The following PDIA6 variants were observed in gnomAD, a reference collection of about 807,000 sequenced individuals.
PDIA6 encodes protein disulfide-isomerase A6.
PDIA6 carries 29 observed loss-of-function variants against 58.4 expected under a neutral mutation model. The observed-to-expected ratio is 0.50, with a 90% CI of 0.37 to 0.68. The LOEUF (loss-of-function observed/expected upper bound fraction) is 0.68. Ranked by LOEUF, PDIA6 falls within the 30% of genes least tolerant of loss-of-function variation. The pLI, the probability that PDIA6 is intolerant of heterozygous loss-of-function variation, is 0.00. For missense variants in PDIA6, 480 were observed against 551.0 expected, an observed-to-expected ratio of 0.87 and a Z score of 1.29; for synonymous variants, 192 against 202.6, an observed-to-expected ratio of 0.95 and a Z score of 0.44.
At chr2:10,793,338 C>G in intron 4 of PDIA6, 136 bp from the exon 5 acceptor site, 1 of 615,924 alleles carries the variant, frequency 1.6e-6, no homozygotes. Context: ...GTATCTCTGA[C>G]AGAACACACT....
At chr2:10,835,528 A>G (rs1416428080), upstream of PDIA6, among the ~76,000 whole-genome samples, 1 of 152,208 alleles carries the variant, frequency 6.6e-6, no homozygotes, top group Non-Finnish European at 1.5e-5. Context: ...GCCTGAAGGC[A>G]GGTGGGGCCC....
chr2:10,790,013 CTG>C (rs1665961054), intron 7 of PDIA6, 124 bp from the exon 8 acceptor site: 1 of 756,550 alleles, frequency 1.3e-6, no homozygotes, highest in Non-Finnish European at 2.1e-6. Context: ...CAGTCTCACT[CTG>C]TTGCCCAGGC....
At chr2:10,830,040 T>G (rs940737571) in intron 1 of PDIA6, among the ~76,000 whole-genome samples, 5 of 152,196 alleles carry the variant, frequency 3.3e-5, no homozygotes, top group Non-Finnish European at 7.3e-5. Flanking sequence ...CCCCACTACC[T>G]TGGCTGACAC....
chr2:10,787,323 A>T lies in PDIA6; in HGVS notation c.1115T>A (p.Leu372Gln), dbSNP rs1171879549. The change falls in exon 11 of 13, where the codon CTA becomes CAA. Residue 372 changes from leucine to glutamine, a missense_variant. Leu to Gln is a moderately radical substitution (Grantham distance 113). Transcript: ENST00000272227. ...INARKMKFALLKGSFSEQGIN... is the reference protein window; with the variant it reads ...INARKMKFALQKGSFSEQGIN... The stretch of plus-strand genomic sequence containing the variant: ...GCCTTGCTCACTGAAGGAGCCTTTT[A>T]GCAGAGCAAATTTCATCTTGCGTGC... The T allele has an allele frequency of 1.2e-6, 2 of 1,614,232 alleles. No homozygotes were observed. The highest frequency in any genetic ancestry group is 2.2e-5 in the South Asian group (2 of 91,082).
chr2:10,808,869 A>T (rs564163232), intron 1 of PDIA6, among the ~76,000 whole-genome samples: 1 of 152,292 alleles, frequency 6.6e-6, no homozygotes, highest in East Asian at 1.9e-4. Flanking sequence ...TCAGCTGCCC[A>T]GGCTGGAGTG....
chr2:10,836,768 C>G (rs1667840155), upstream of PDIA6, among the ~76,000 whole-genome samples: 1 of 151,960 alleles, frequency 6.6e-6, no homozygotes, highest in Admixed American at 6.6e-5. Context: ...TGTGTCTTTT[C>G]ATTGCCGCTT....
chr2:10,788,782 G>A lies in PDIA6; in HGVS notation c.926-13C>T. ...CTGCCTGCAGCTCCTGATTTAAATAGACAAAGTTTTTTAAAGGTAAAGATA... is the reference window on the plus strand; with the variant it reads ...CTGCCTGCAGCTCCTGATTTAAATAAACAAAGTTTTTTAAAGGTAAAGATA... On this transcript the variant is annotated splice_polypyrimidine_tract_variant and intron_variant, in intron 9 of 12. Transcript: ENST00000272227. 1.2e-6 allele frequency: 2 copies of A among 1,603,150 alleles called. No homozygotes were observed. Among genetic ancestry groups the A allele is most frequent in the African/African-American group, 2.7e-5 (2 of 74,802 alleles).
At chr2:10,824,931 G>C (rs1201653472) in intron 1 of PDIA6, among the ~76,000 whole-genome samples, 2 of 152,156 alleles carry the variant, frequency 1.3e-5, no homozygotes, top group African/African-American at 4.8e-5. Flanking sequence ...TGTCTGTGAG[G>C]GTGTTGCCAA....
intron 1 of PDIA6, among the ~76,000 whole-genome samples, chr2:10,821,785 C>A (rs577158731): frequency 1.3e-5 from 2 of 151,876 alleles, no homozygotes; most frequent in Non-Finnish European, 2.9e-5. Context: ...CTGCTATGCC[C>A]GGCTAATGTT....
At chr2:10,808,198 G>A (rs1050671070) in intron 1 of PDIA6, among the ~76,000 whole-genome samples, 9 of 152,236 alleles carry the variant, frequency 5.9e-5, no homozygotes, top group Non-Finnish European at 1.2e-4. Flanking sequence ...TTGCCATGTG[G>A]AAGGTGGATT....
intron 1 of PDIA6, among the ~76,000 whole-genome samples, chr2:10,829,463 C>T (rs1024644757): frequency 6.6e-6 from 1 of 152,222 alleles, no homozygotes; most frequent in Admixed American, 6.5e-5. Flanking sequence ...GCCATAATAA[C>T]CAAGGGTGTT....
intron 11 of PDIA6, 178 bp from the exon 12 acceptor site, chr2:10,785,208 C>T: frequency 1.8e-6 from 1 of 565,278 alleles, no homozygotes; most frequent in Non-Finnish European, 3.2e-6. Flanking sequence ...TAATCACGGA[C>T]AACATTACAA....
At chr2:10,797,500 A>G (rs541043693) in intron 3 of PDIA6, among the ~76,000 whole-genome samples, 200 bp downstream of exon 3, 13 of 152,340 alleles carry the variant, frequency 8.5e-5, no homozygotes, top group Middle Eastern at 3.4e-3. Flanking sequence ...AAACATTTAA[A>G]TGTGTATTAT....
chr2:10,812,636 CG>C (rs1281581205), intron 1 of PDIA6, 41 bp downstream of exon 1: 3 of 1,503,200 alleles, frequency 2.0e-6, no homozygotes, highest in Non-Finnish European at 2.7e-6. Context: ...CCTTTCAGGC[CG>C]ACCCCAGCTC....
chr2:10,812,169 C>T (rs1667023391), intron 1 of PDIA6, among the ~76,000 whole-genome samples: 1 of 152,194 alleles, frequency 6.6e-6, no homozygotes, highest in African/African-American at 2.4e-5. Context: ...TTCGGCCTTC[C>T]AAAGTGCTGG....
rs1239410961 is a variant in PDIA6, at chr2:10,789,825, C to G, written c.764G>C (p.Gly255Ala). ...GGACACGATGTCGGATCTTGTCCGCCCACCGTCATAATCCACAGGAGACTC... is the reference window on the plus strand; with the variant it reads ...GGACACGATGTCGGATCTTGTCCGCGCACCGTCATAATCCACAGGAGACTC... ...KGESPVDYDG[G>A]RTRSDIVSRA... Residue 255 changes from glycine to alanine, a missense_variant, in exon 8 of 13, where the codon GGG becomes GCG. Coordinates refer to ENST00000272227, the MANE Select transcript of PDIA6 (RefSeq NM_005742.4). 2 of 1,613,598 alleles carry G rather than the reference C, an allele frequency of 1.2e-6. No individual in the cohort carries two copies. The highest frequency in any genetic ancestry group is 1.7e-6 in the Non-Finnish European group (2 of 1,179,700).
At chr2:10,792,808 A>G (rs1734425) in intron 5 of PDIA6, among the ~76,000 whole-genome samples, 74,165 of 151,936 alleles carry the variant, frequency 0.49, 19,645 homozygotes, top group Middle Eastern at 0.58. Context: ...CTCTGGACCT[A>G]CAAGTGCCAT....
chr2:10,793,167 G>T lies in PDIA6; in HGVS notation c.382C>A (p.Leu128Met). ...RTGEAIVDAA[L>M]SALRQLVKDR... The stretch of plus-strand genomic sequence containing the variant: ...TTCACGAGCTGGCGCAGAGCACTCA[G>T]CGCAGCATCTACAATGGCTTCACCA... The change falls in exon 5 of 13, where the codon CTG becomes ATG. Residue 128 changes from leucine (L) to methionine (M), a missense_variant. Coordinates refer to ENST00000272227, the MANE Select transcript of PDIA6 (RefSeq NM_005742.4). 6.2e-7 allele frequency: 1 copy of T among 1,614,102 alleles called. No individual in the cohort carries two copies.
At chr2:10,834,721 CCCTTCCTTCCCT>C (rs1386249551), upstream of PDIA6, among the ~76,000 whole-genome samples, 139 of 45,480 alleles carry the variant, frequency 3.1e-3, no homozygotes, top group Middle Eastern at 0.023. Flanking sequence ...CTCCCTCCCT[CCCTTCCTTCCCT>C]CCTTCCTTCC....
Sources: gnomAD v4.1 joint callset for allele counts (sites outside exome capture counted in the v4.1 genomes callset) on GRCh38, gnomAD v4.1.1 for gene constraint, MANE v1.5 for transcripts, NCBI Gene and HGNC (gene_info 2026-07-23, HGNC 2026-07-21) for gene names.